Variants in RADIL observed in about 807,000 individuals in gnomAD.
RADIL encodes the protein Rap associating with DIL domain, also known as ras-associating and dilute domain-containing protein.
Under a neutral mutation model 97.6 loss-of-function variants are expected in RADIL, and 99 were observed. That is an observed-to-expected ratio of 1.01 (90% CI 0.86 to 1.20). The LOEUF (loss-of-function observed/expected upper bound fraction) is 1.20, where lower values mean the gene tolerates loss of function less well. RADIL is among the 50% of genes most tolerant of loss of function. The probability of loss-of-function intolerance (pLI) is 0.00; values close to 1 mark genes in which losing one functional copy is unlikely to be tolerated. For missense variants in RADIL, 1,765 were observed against 1,498.9 expected, an observed-to-expected ratio of 1.18 and a Z score of -2.93; for synonymous variants, 803 against 691.8, an observed-to-expected ratio of 1.16 and a Z score of -2.52.
Position 4,842,815 on chromosome 7 carries a change from G to A in RADIL, c.536-6210C>T, listed in dbSNP as rs976805051. 5.3e-5 allele frequency among the ~76,000 whole-genome samples: 8 copies of A among 152,054 alleles called. No homozygotes were observed. The highest frequency in any genetic ancestry group is 5.2e-4 in the Admixed American group (8 of 15,246). ...GGAGGGGATAATGAAACGTTCCTGG[G>A]CTGGGGAACTTTACCACTACTGGGG... On this transcript the variant is annotated intron_variant, in intron 2 of 14. Coordinates refer to ENST00000399583, the MANE Select transcript of RADIL (RefSeq NM_018059.5). The surrounding 1 kb of genome is among the most constrained non-coding windows in gnomAD (Gnocchi z 4.5).
In RADIL at chr7:4,872,368, G is replaced by C. The variant is rs923464492; in HGVS notation, c.535+5237C>G. ...AACCTAAAATGTAACGGGAGGAAGGGAGAAAGCAAGGAAGGCCAGCCCTCC... is the reference window on the plus strand; with the variant it reads ...AACCTAAAATGTAACGGGAGGAAGGCAGAAAGCAAGGAAGGCCAGCCCTCC... On this transcript the variant is annotated intron_variant, in intron 2 of 14. Transcript: ENST00000399583. The surrounding 1 kb of genome is among the most constrained non-coding windows in gnomAD (Gnocchi z 5.8). Among the ~76,000 whole-genome samples, 12 of 152,332 alleles carry C rather than the reference G, an allele frequency of 7.9e-5. No individual in the cohort carries two copies. Among genetic ancestry groups the C allele is most frequent in the Non-Finnish European group, 1.6e-4 (11 of 68,032 alleles).
At chr7:4,820,564 T>C (rs140773269) in intron 6 of RADIL, among the ~76,000 whole-genome samples, 28 of 152,270 alleles carry the variant, frequency 1.8e-4, no homozygotes, top group Non-Finnish European at 3.1e-4. Context: ...GCAGCCCCGA[T>C]TCCCAGGACT....
In RADIL at chr7:4,799,055, C is replaced by G; in HGVS notation, c.*323G>C. ...CCATGGGGAGCCCCTGCGGCCCCTC[C>G]GAGCAGCCCACGCCTGCTGCCCGAG... On this transcript the variant is annotated 3_prime_UTR_variant, in exon 15 of 15. Transcript: ENST00000399583. The G allele has an allele frequency of 3.1e-6, 1 of 325,000 alleles. No homozygotes were observed. Among genetic ancestry groups the G allele is most frequent in the South Asian group, 3.1e-5 (1 of 32,052 alleles). The allele number at this position is 325,000 out of a possible 1,614,324, so 20.1% of individuals were successfully genotyped here.
intron 5 of RADIL, among the ~76,000 whole-genome samples, chr7:4,830,613 C>T (rs894072256): frequency 2.6e-5 from 4 of 152,212 alleles, no homozygotes; most frequent in African/African-American, 2.4e-5. Context: ...CACAGTGGCT[C>T]ACGCTTGTAA....
At chr7:4,806,173 A>T in intron 9 of RADIL, 10 of 665,932 alleles carry the variant, frequency 1.5e-5, no homozygotes, top group Non-Finnish European at 1.9e-5. Flanking sequence ...TTTTTGAGAC[A>T]GAGTCTCATG....
chr7:4,878,237 C>T lies in RADIL; in HGVS notation c.-64-34G>A, dbSNP rs1784414362. The T allele has an allele frequency of 1.5e-6, 2 of 1,302,796 alleles. No individual in the cohort carries two copies. The highest frequency in any genetic ancestry group is 3.0e-5 in the African/African-American group (2 of 66,738). 80.7% of individuals were successfully genotyped at this position (1,302,796 alleles called of 1,614,324 possible). A position where few individuals can be genotyped will look rare whatever the true frequency, so the allele number is the denominator to read the frequency against. On this transcript the variant is annotated intron_variant, in intron 1 of 14. Coordinates refer to ENST00000399583, the MANE Select transcript of RADIL (RefSeq NM_018059.5). This position sits in a 1 kb window ranked among gnomAD's most constrained non-coding sequence, Gnocchi z 4.1. ...AAAAGTGAGAGAGGTTAGCGCCAAC[C>T]ATCGTGACCACCAAGAGCAAATGAG...
chr7:4,810,725 A>T (rs1248568884), intron 9 of RADIL, among the ~76,000 whole-genome samples: 2 of 152,336 alleles, frequency 1.3e-5, no homozygotes, highest in East Asian at 1.9e-4. Flanking sequence ...GGCTTTCCAA[A>T]GTGGCGAGCC....
In RADIL at chr7:4,799,316, G is replaced by A. The variant is rs1313121938; in HGVS notation, c.*62C>T. Reference sequence around the variant, plus strand: ...TACAAAACAGGGACGAAGGCGGGAGGAAGCCCAGTGTCACCAGGTGGGACC... The same window carrying A: ...TACAAAACAGGGACGAAGGCGGGAGAAAGCCCAGTGTCACCAGGTGGGACC... On this transcript the variant is annotated 3_prime_UTR_variant, in exon 15 of 15. Transcript: ENST00000399583. 6.5e-7 allele frequency: 1 copy of A among 1,537,066 alleles called. No homozygotes were observed. Among genetic ancestry groups the A allele is most frequent in the African/African-American group, 1.4e-5 (1 of 73,458 alleles).
At chr7:4,845,258 A>G (rs1783539925) in intron 2 of RADIL, among the ~76,000 whole-genome samples, 1 of 152,116 alleles carries the variant, frequency 6.6e-6, no homozygotes, top group African/African-American at 2.4e-5. Context: ...CAAATCCACA[A>G]AAATAAAAAG....
At chr7:4,868,196 G>C (rs942240111) in intron 2 of RADIL, among the ~76,000 whole-genome samples, 11 of 152,154 alleles carry the variant, frequency 7.2e-5, no homozygotes, top group African/African-American at 2.2e-4. Context: ...CCGAGTAGCT[G>C]GGACTACAGG....
rs150910636 is a variant in RADIL, at chr7:4,842,907, T to C, written c.536-6302A>G. Among the ~76,000 whole-genome samples the C allele has an allele frequency of 0.015, 2,233 of 151,766 alleles. 30 individuals are homozygous for C. The highest frequency in any genetic ancestry group is 0.025 in the South Asian group (119 of 4,802). On this transcript the variant is annotated intron_variant, in intron 2 of 14. Transcript: ENST00000399583. The surrounding 1 kb of genome is among the most constrained non-coding windows in gnomAD (Gnocchi z 4.5). ...GGAGTGCAGTGTGGATTCACAGGCG[T>C]GGTCACCATAATACCCTGCAGCCTC...
At chr7:4,861,532 G>A (rs1025236292) in intron 2 of RADIL, 17 of 1,613,916 alleles carry the variant, frequency 1.1e-5, no homozygotes, top group Non-Finnish European at 8.5e-7. Context: ...TTCCTCCAAC[G>A]TTTTCAATTA....
At position 4,858,141 on chromosome 7, in the gene RADIL, A is replaced by G. The variant is rs184233322; in HGVS notation, c.535+19464T>C. On this transcript the variant is annotated intron_variant, in intron 2 of 14. Coordinates refer to ENST00000399583, the MANE Select transcript of RADIL (RefSeq NM_018059.5). ...AAAGAAATACTGTGTACTAGATATC[A>G]GAAAGTAATGGTGAAAGAAAAGTCT... 1.4e-3 allele frequency: 221 copies of G among 152,544 alleles called. 1 individual carries two copies. The highest frequency in any genetic ancestry group is 4.6e-3 in the African/African-American group (190 of 41,592). The allele number at this position is 152,544 out of a possible 1,614,324, so 9.4% of individuals were successfully genotyped here.
intron 4 of RADIL, among the ~76,000 whole-genome samples, chr7:4,833,572 T>G (rs1195917827): frequency 6.6e-6 from 1 of 152,188 alleles, no homozygotes; most frequent in Admixed American, 6.5e-5. Context: ...CAGGGAAGCC[T>G]GAGCTGGCTT....
chr7:4,805,821 C>T (rs1027794953), intron 9 of RADIL, 105 bp from the exon 10 acceptor site: 68 of 1,466,552 alleles, frequency 4.6e-5, no homozygotes, highest in Admixed American at 9.2e-5. Flanking sequence ...GCTGAGGGGC[C>T]CTGTGGTCCT....
Position 4,821,331 on chromosome 7 carries a change from G to T in RADIL, c.1615+1063C>A, listed in dbSNP as rs1471653942. On this transcript the variant is annotated intron_variant, in intron 6 of 14. Coordinates refer to ENST00000399583, the MANE Select transcript of RADIL (RefSeq NM_018059.5). This position sits in a 1 kb window ranked among gnomAD's most constrained non-coding sequence, Gnocchi z 5.2. ...GGCAGAACCAAGGCTTCCCATGAGA[G>T]GTCTGGCCCCCAGTTCCCTGGGCCG... is the stretch of plus-strand genomic sequence containing the variant. Among the ~76,000 whole-genome samples, 1 of 152,218 alleles carries T rather than the reference G, an allele frequency of 6.6e-6. No homozygotes were observed. Among genetic ancestry groups the T allele is most frequent in the Non-Finnish European group, 1.5e-5 (1 of 68,040 alleles).
At chr7:4,808,548 G>A in intron 9 of RADIL, 1 of 971,576 alleles carries the variant, frequency 1.0e-6, no homozygotes, top group Non-Finnish European at 1.2e-6. Flanking sequence ...AACAAAGAAG[G>A]AGATGGGACA....
rs774082427 is a variant in RADIL, at chr7:4,816,469, G to C, written c.1729-4C>G. 1 of 1,601,556 alleles carries C rather than the reference G, an allele frequency of 6.2e-7. No homozygotes were observed. Among genetic ancestry groups the C allele is most frequent in the Non-Finnish European group, 8.5e-7 (1 of 1,173,106 alleles). The stretch of plus-strand genomic sequence containing the variant: ...CCGGGAGGCAGATGTACAGGGACTG[G>C]CGGGGGCAAGAGGAGAACAGCAACC... On this transcript the variant is annotated splice_region_variant and splice_polypyrimidine_tract_variant and intron_variant, in intron 7 of 14. Transcript: ENST00000399583.
rs1305662351 is a variant in RADIL at position 4,799,048 on chromosome 7, G to A, written c.*330C>T. On this transcript the variant is annotated 3_prime_UTR_variant, in exon 15 of 15. Coordinates refer to ENST00000399583, the MANE Select transcript of RADIL (RefSeq NM_018059.5). ...GCAGAGGCCATGGGGAGCCCCTGCG[G>A]CCCCTCCGAGCAGCCCACGCCTGCT... 3.3e-6 allele frequency: 1 copy of A among 305,888 alleles called. No individual in the cohort carries two copies. Among genetic ancestry groups the A allele is most frequent in the Non-Finnish European group, 6.3e-6 (1 of 158,796 alleles). The allele number at this position is 305,888 out of a possible 1,614,324, so 18.9% of individuals were successfully genotyped here.
Sources: gnomAD v4.1 joint callset for allele counts (sites outside exome capture counted in the v4.1 genomes callset) on GRCh38, gnomAD v4.1.1 for gene constraint, Gnocchi (gnomAD v3.1) non-coding constraint, MANE v1.5 for transcripts, NCBI Gene and HGNC (gene_info 2026-07-23, HGNC 2026-07-21) for gene names.